Variants in FLYWCH1 observed in about 807,000 individuals in gnomAD.
The protein encoded by FLYWCH1 is FLYWCH-type zinc finger 1.
In FLYWCH1, 75 loss-of-function variants were observed where a neutral mutation model predicts 66.4. That is an observed-to-expected ratio of 1.13 (90% confidence interval 0.94 to 1.37). The LOEUF is 1.37. Among genes scored for constraint, FLYWCH1 ranks in the 40% most tolerant of loss-of-function variants. FLYWCH1 has a pLI of 0.00. For missense variants in FLYWCH1, 1,334 were observed against 1,001.8 expected, an observed-to-expected ratio of 1.33 and a Z score of -4.48; for synonymous variants, 595 against 429.9, an observed-to-expected ratio of 1.38 and a Z score of -4.75.
chr16:2,927,754 G>C (rs1047136608), intron 2 of FLYWCH1, among the ~76,000 whole-genome samples: 36 of 152,176 alleles, frequency 2.4e-4, no homozygotes, highest in African/African-American at 8.4e-4. Context: ...GAGGCCTGCC[G>C]CTCCACACCT....
At chr16:2,930,218 C>A (rs558507009) in intron 3 of FLYWCH1, among the ~76,000 whole-genome samples, 192 bp from the exon 4 acceptor site, 2 of 152,200 alleles carry the variant, frequency 1.3e-5, no homozygotes, top group East Asian at 3.9e-4. Context: ...TGCAGAATTC[C>A]TTCAGCTCCC....
intron 6 of FLYWCH1, chr16:2,936,409 C>G (rs1197794848): frequency 2.2e-6 from 1 of 456,386 alleles, no homozygotes; most frequent in Non-Finnish European, 4.4e-6. Context: ...GCCCAGCCCT[C>G]TCCATCCCTC....
Position 2,930,843 on chromosome 16 carries a change from G to A in FLYWCH1, c.759G>A (p.Leu253=), listed in dbSNP as rs754310154. Residue 253 remains leucine (L), a synonymous_variant, in exon 4 of 10, where the codon CTG becomes CTA. Transcript: ENST00000253928. ...EEEAPRALSL[L]SLPPKKRSIL... ...AGGCACCCCGAGCCCTGTCACTGCT[G>A]AGCCTGCCGCCCAAGAAGCGCTCGA... 1.2e-6 allele frequency: 2 copies of A among 1,602,342 alleles called. No individual in the cohort carries two copies. The highest frequency in any genetic ancestry group is 2.2e-5 in the South Asian group (2 of 89,368).
At chr16:2,914,888 GAC>G (rs886207806) in intron 2 of FLYWCH1, among the ~76,000 whole-genome samples, 1 of 138,812 alleles carries the variant, frequency 7.2e-6, no homozygotes, top group African/African-American at 2.7e-5. Context: ...CAGCCTGGGC[GAC>G]AGAGTGAGAC....
chr16:2,929,094 G>A (rs1229596719), intron 2 of FLYWCH1, among the ~76,000 whole-genome samples: 1 of 152,242 alleles, frequency 6.6e-6, no homozygotes, highest in Non-Finnish European at 1.5e-5. Flanking sequence ...CCTGAGACAG[G>A]TGCCTGGCGT....
In FLYWCH1 at chr16:2,933,374, C is replaced by A. The variant is rs199890568; in HGVS notation, c.1041C>A (p.Ala347=). The change falls in exon 5 of 10, where the codon GCC becomes GCA. Residue 347 remains alanine (A), a synonymous_variant. Transcript: ENST00000253928. ...GLEARRQQEK[A]VETLQAGQDG... ...AAGCCCGGCGGCAGCAGGAGAAGGC[C>A]GTGGAGACGCTGCAGGCTGGGCAGG... The A allele has an allele frequency of 1.0e-5, 16 of 1,602,574 alleles. No individual in the cohort carries two copies. Among genetic ancestry groups the A allele is most frequent in the Admixed American group, 1.7e-5 (1 of 58,018 alleles).
chr16:2,940,146 G>A, intron 9 of FLYWCH1, 54 bp downstream of exon 9: 1 of 844,072 alleles, frequency 1.2e-6, no homozygotes, highest in Middle Eastern at 2.4e-4. Flanking sequence ...AAACGTAGTG[G>A]GCTTAAAACA....
At chr16:2,940,869 A>G (rs2071232800) in intron 9 of FLYWCH1, among the ~76,000 whole-genome samples, 1 of 28,820 alleles carries the variant, frequency 3.5e-5, no homozygotes, top group South Asian at 1.0e-3. Context: ...CAGGCAGATC[A>G]TTTGTAATTC....
At position 2,937,320 on chromosome 16, in the gene FLYWCH1, G is replaced by C. The variant is rs1272585907; in HGVS notation, c.1713G>C (p.Leu571=). 6 of 1,602,134 alleles carry C rather than the reference G, an allele frequency of 3.7e-6. No individual in the cohort carries two copies. Among genetic ancestry groups the C allele is most frequent in the Non-Finnish European group, 5.1e-6 (6 of 1,174,438 alleles). Reference sequence around the variant, plus strand: ...GCAGGCACTGCCACCCACCGGACCTGGGCGGCCTGGAGGCCCTGCGGCAGC... The same window carrying C: ...GCAGGCACTGCCACCCACCGGACCTCGGCGGCCTGGAGGCCCTGCGGCAGC... ...VMRRHCHPPD[L]GGLEALRQRE... is the part of the protein sequence containing the mutation. Residue 571 remains leucine, a synonymous_variant, in exon 7 of 10, where the codon CTG becomes CTC. Transcript: ENST00000253928.
chr16:2,911,988 G>A lies in FLYWCH1; in HGVS notation c.-354G>A, dbSNP rs565110087. 3 of 150,182 alleles carry A rather than the reference G, an allele frequency of 2.0e-5. No homozygotes were observed. Among genetic ancestry groups the A allele is most frequent in the African/African-American group, 7.3e-5 (3 of 41,156 alleles). 9.3% of individuals were successfully genotyped at this position (150,182 alleles called of 1,614,324 possible). ...GCTCCCCGGCGGGGTCGCGCGCGCG[G>A]TCACGGGGCTCGCTCCCGAGGGGCA... On this transcript the variant is annotated 5_prime_UTR_variant, in exon 1 of 10. Coordinates refer to ENST00000253928, the MANE Select transcript of FLYWCH1 (RefSeq NM_001308068.2).
chr16:2,920,415 T>C (rs1376591304), intron 2 of FLYWCH1, among the ~76,000 whole-genome samples: 1 of 151,826 alleles, frequency 6.6e-6, no homozygotes, highest in Non-Finnish European at 1.5e-5. Flanking sequence ...CTCAGGAGGC[T>C]GAGGCCTGAG....
intron 1 of FLYWCH1, among the ~76,000 whole-genome samples, chr16:2,913,855 C>A (rs1349258316): frequency 9.5e-6 from 1 of 105,728 alleles, no homozygotes; most frequent in Non-Finnish European, 2.2e-5. Flanking sequence ...CATCCAGGAG[C>A]TTTAAAAAAA....
At position 2,930,673 on chromosome 16, in the gene FLYWCH1, G is replaced by C; in HGVS notation, c.589G>C (p.Glu197Gln). The part of the protein sequence containing the change: ...REKLPSLALP[E>Q]GLGEPQGPEG... ...GAAACTGCCCAGCCTGGCCCTGCCA[G>C]AGGGCTTGGGAGAGCCCCAGGGTCC... Residue 197 changes from glutamate (E) to glutamine (Q), a missense_variant, in exon 4 of 10, where the codon GAG becomes CAG. By Grantham distance (29) the Glu-to-Gln change is conservative. Transcript: ENST00000253928. 2 of 1,544,582 alleles carry C rather than the reference G, an allele frequency of 1.3e-6. No homozygotes were observed. Among genetic ancestry groups the C allele is most frequent in the Non-Finnish European group, 1.7e-6 (2 of 1,147,082 alleles).
rs768513116 is a variant in FLYWCH1, at chr16:2,948,734, G to A, written c.*7G>A. On this transcript the variant is annotated 3_prime_UTR_variant, in exon 10 of 10. Transcript: ENST00000253928. ...GGATGGCGAGTCCCAGTGAGGCGAT[G>A]TGGGCAGAGGAGCTCCGAGCCGCCC... 1.2e-6 allele frequency: 2 copies of A among 1,613,844 alleles called. No homozygotes were observed. Among genetic ancestry groups the A allele is most frequent in the Admixed American group, 1.7e-5 (1 of 60,022 alleles).
At chr16:2,915,911 A>G (rs2150881174) in intron 2 of FLYWCH1, among the ~76,000 whole-genome samples, 1 of 152,336 alleles carries the variant, frequency 6.6e-6, no homozygotes, top group Non-Finnish European at 1.5e-5. Flanking sequence ...ACAGTGGCCA[A>G]GGAAACATAT....
chr16:2,937,413 T>G, intron 7 of FLYWCH1, 29 bp downstream of exon 7: 1 of 1,505,226 alleles, frequency 6.6e-7, no homozygotes, highest in Non-Finnish European at 8.8e-7. Flanking sequence ...GGGCTGGGTC[T>G]GCCTGGTCTC....
intron 2 of FLYWCH1, among the ~76,000 whole-genome samples, chr16:2,917,884 G>T (rs983802425): frequency 6.7e-6 from 1 of 149,406 alleles, no homozygotes; most frequent in African/African-American, 2.5e-5. Flanking sequence ...GCCCAGGCTG[G>T]AGTACAGTGG....
rs1209343926 is a variant in FLYWCH1, at chr16:2,933,272, G to A, written c.939G>A (p.Arg313=). ...GGGACCACGCGCTGCACGGCTGCCG[G>A]AGCCGGGCCATCACCCAGGGACAGC... is the stretch of plus-strand genomic sequence containing the variant. ...TCRDHALHGC[R]SRAITQGQRV... The change falls in exon 5 of 10, where the codon CGG becomes CGA. Residue 313 remains arginine (R), a synonymous_variant. Coordinates refer to ENST00000253928, the MANE Select transcript of FLYWCH1 (RefSeq NM_001308068.2). The A allele has an allele frequency of 6.2e-7, 1 of 1,612,714 alleles. No individual in the cohort carries two copies. Among genetic ancestry groups the A allele is most frequent in the Non-Finnish European group, 8.5e-7 (1 of 1,179,608 alleles).
chr16:2,912,021 G>A lies in FLYWCH1; in HGVS notation c.-321G>A, dbSNP rs2070001946. 6.6e-6 allele frequency: 1 copy of A among 152,614 alleles called. No homozygotes were observed. The highest frequency in any genetic ancestry group is 2.4e-5 in the African/African-American group (1 of 41,464). The allele number at this position is 152,614 out of a possible 1,614,324, so 9.5% of individuals were successfully genotyped here. ...GCTCGCTCCCGAGGGGCAGGTCGGGGCTGGGAGCTGGTGCCCGGGTCGGGG... is the reference window on the plus strand; with the variant it reads ...GCTCGCTCCCGAGGGGCAGGTCGGGACTGGGAGCTGGTGCCCGGGTCGGGG... On this transcript the variant is annotated 5_prime_UTR_variant, in exon 1 of 10. Coordinates refer to ENST00000253928, the MANE Select transcript of FLYWCH1 (RefSeq NM_001308068.2).
Sources: gnomAD v4.1 joint callset for allele counts (sites outside exome capture counted in the v4.1 genomes callset) on GRCh38, gnomAD v4.1.1 for gene constraint, MANE v1.5 for transcripts, NCBI Gene and HGNC (gene_info 2026-07-23, HGNC 2026-07-21) for gene names.